ARHGAP39: variants seen among roughly 807,000 people sequenced by gnomAD.
ARHGAP39 encodes rho GTPase-activating protein 39.
In ARHGAP39, 44 loss-of-function variants were observed where a neutral mutation model predicts 106.9. The observed-to-expected ratio is 0.41, with a 90% CI of 0.32 to 0.53. The LOEUF is 0.53. ARHGAP39 is among the 20% of genes least tolerant of loss of function. The pLI is 0.21. For missense variants in ARHGAP39, 1,496 were observed against 1,577.3 expected, an observed-to-expected ratio of 0.95 and a Z score of 0.87; for synonymous variants, 768 against 693.2, an observed-to-expected ratio of 1.11 and a Z score of -1.69.
chr8:144,697,711 C>G, the ARHGAP39 span, among the ~76,000 whole-genome samples: 1 of 151,936 alleles, frequency 6.6e-6, no homozygotes, highest in South Asian at 2.1e-4. Context: ...AGGCTGGTCT[C>G]GAACTCCTGA....
At chr8:144,602,877 T>TG (rs1820099624) in intron 2 of ARHGAP39, among the ~76,000 whole-genome samples, 1 of 126,636 alleles carries the variant, frequency 7.9e-6, no homozygotes, top group Non-Finnish European at 1.6e-5. Flanking sequence ...TGTGCATGTG[T>TG]GTGGTGTGTG....
At chr8:144,534,481 C>T (rs1456688243) in intron 7 of ARHGAP39, among the ~76,000 whole-genome samples, 1 of 152,218 alleles carries the variant, frequency 6.6e-6, no homozygotes, top group Non-Finnish European at 1.5e-5. Flanking sequence ...ACAGGAAGGG[C>T]AGGACCTGGG....
chr8:144,537,013 G>T (rs1226286276), intron 7 of ARHGAP39, among the ~76,000 whole-genome samples: 6 of 152,232 alleles, frequency 3.9e-5, no homozygotes, highest in Admixed American at 3.9e-4. Context: ...CACTGCAGGG[G>T]TCGGGAGGAC....
chr8:144,699,999 C>T, the ARHGAP39 span, among the ~76,000 whole-genome samples: 1 of 152,184 alleles, frequency 6.6e-6, no homozygotes, highest in South Asian at 2.1e-4. Flanking sequence ...TCTCACAGTG[C>T]TGCAGGATGC....
chr8:144,621,127 G>A (rs1049048537), intron 1 of ARHGAP39, among the ~76,000 whole-genome samples: 3 of 152,276 alleles, frequency 2.0e-5, no homozygotes, highest in African/African-American at 7.2e-5. Flanking sequence ...GCAGCTGCCT[G>A]CCCTGTTAGC....
At chr8:144,648,376 T>C (rs1821494769) in intron 1 of ARHGAP39, among the ~76,000 whole-genome samples, 1 of 152,228 alleles carries the variant, frequency 6.6e-6, no homozygotes, top group Non-Finnish European at 1.5e-5. Flanking sequence ...TAATTTGTTA[T>C]CCAGCAAAAG....
Position 144,684,122 on chromosome 8 carries a change from C to G in ARHGAP39, c.-82+1564G>C, listed in dbSNP as rs1427663712. Among the ~76,000 whole-genome samples the G allele has an allele frequency of 6.6e-6, 1 of 152,224 alleles. No homozygotes were observed. The highest frequency in any genetic ancestry group is 1.5e-5 in the Non-Finnish European group (1 of 68,036). On this transcript the variant is annotated intron_variant, in intron 1 of 11. Coordinates refer to ENST00000377307, the MANE Select transcript of ARHGAP39 (RefSeq NM_025251.3). The surrounding 1 kb of genome is among the most constrained non-coding windows in gnomAD (Gnocchi z 4.4). ...CAGCCTGGCTCCAGAACCCGCCCTCCTGTCCACTCTGCTCCCCTGCCTCTC... is the reference window on the plus strand; with the variant it reads ...CAGCCTGGCTCCAGAACCCGCCCTCGTGTCCACTCTGCTCCCCTGCCTCTC...
intron 1 of ARHGAP39, among the ~76,000 whole-genome samples, chr8:144,654,879 A>T (rs1337362502): frequency 1.3e-5 from 2 of 152,096 alleles, no homozygotes; most frequent in African/African-American, 2.4e-5. Flanking sequence ...GCAACCGCCC[A>T]AACCATGGCT....
intron 2 of ARHGAP39, among the ~76,000 whole-genome samples, chr8:144,602,299 G>A (rs976169298): frequency 7.2e-6 from 1 of 138,720 alleles, no homozygotes; most frequent in Admixed American, 7.4e-5. Flanking sequence ...GTGTGCTCGT[G>A]TACCTGTGTG....
At chr8:144,583,936 A>AT (rs1819093128) in intron 2 of ARHGAP39, 1 of 152,246 alleles carries the variant, frequency 6.6e-6, no homozygotes, top group Non-Finnish European at 1.5e-5. Flanking sequence ...CTGCACTCTT[A>AT]TATTGGCCTG....
rs1362531301 is a variant in ARHGAP39 at position 144,641,527 on chromosome 8, G to A, written c.-81-35832C>T. ...GGGCCCTGGCAGCACCACCTGACCTGTCTCCTGGCATCCCCTCAGCTCTCC... is the reference window on the plus strand; with the variant it reads ...GGGCCCTGGCAGCACCACCTGACCTATCTCCTGGCATCCCCTCAGCTCTCC... On this transcript the variant is annotated intron_variant, in intron 1 of 11. Coordinates refer to ENST00000377307, the MANE Select transcript of ARHGAP39 (RefSeq NM_025251.3). This position sits in a 1 kb window ranked among gnomAD's most constrained non-coding sequence, Gnocchi z 5.2. Among the ~76,000 whole-genome samples, 2 of 152,066 alleles carry A rather than the reference G, an allele frequency of 1.3e-5. No individual in the cohort carries two copies. Among genetic ancestry groups the A allele is most frequent in the Non-Finnish European group, 2.9e-5 (2 of 68,008 alleles).
chr8:144,581,921 T>TA (rs1270936257), intron 2 of ARHGAP39, among the ~76,000 whole-genome samples: 2 of 152,124 alleles, frequency 1.3e-5, no homozygotes, highest in Non-Finnish European at 2.9e-5. Flanking sequence ...CAAAAACCCT[T>TA]AGAGGCACCA....
Position 144,641,442 on chromosome 8 carries a change from A to AC in ARHGAP39, c.-81-35748dup. Among the ~76,000 whole-genome samples the AC allele has an allele frequency of 6.6e-6, 1 of 151,996 alleles. No individual in the cohort carries two copies. The highest frequency in any genetic ancestry group is 1.5e-5 in the Non-Finnish European group (1 of 67,986). ...TGACCACCAAGACCCCACCATGCTCACATCGAGGAGGAATGCAGTGGCGCC... is the reference window on the plus strand; with the variant it reads ...TGACCACCAAGACCCCACCATGCTCACCATCGAGGAGGAATGCAGTGGCGCC... On this transcript the variant is annotated intron_variant, in intron 1 of 11. Transcript: ENST00000377307. The surrounding 1 kb of genome is among the most constrained non-coding windows in gnomAD (Gnocchi z 5.2).
chr8:144,595,214 G>A (rs1314688271), intron 2 of ARHGAP39, among the ~76,000 whole-genome samples: 2 of 152,174 alleles, frequency 1.3e-5, no homozygotes, highest in African/African-American at 4.8e-5. Context: ...ACTGATGCAT[G>A]AAGAAGCAAA....
the ARHGAP39 span, among the ~76,000 whole-genome samples, chr8:144,692,299 G>T: frequency 6.6e-6 from 1 of 152,114 alleles, no homozygotes; most frequent in Non-Finnish European, 1.5e-5. Flanking sequence ...GGGTCTCTTG[G>T]CACCAACCCT....
intron 1 of ARHGAP39, among the ~76,000 whole-genome samples, chr8:144,619,746 GTGTA>G (rs1820739887): frequency 6.6e-6 from 1 of 150,964 alleles, no homozygotes. Flanking sequence ...GTGAGCCTGT[GTGTA>G]CCTCAGTGTG....
chr8:144,578,485 T>G (rs1247228754), intron 3 of ARHGAP39, among the ~76,000 whole-genome samples: 1 of 152,178 alleles, frequency 6.6e-6, no homozygotes, highest in African/African-American at 2.4e-5. Context: ...TCCTTGGCCT[T>G]GAAAAGTGCT....
intron 3 of ARHGAP39, among the ~76,000 whole-genome samples, chr8:144,575,032 GAATGCTA>G (rs1818721772): frequency 6.6e-6 from 1 of 152,176 alleles, no homozygotes; most frequent in African/African-American, 2.4e-5. Flanking sequence ...TTACTGTGCC[GAATGCTA>G]AATGCCATTG....
chr8:144,632,345 T>C (rs1027633088), intron 1 of ARHGAP39, among the ~76,000 whole-genome samples: 2 of 152,110 alleles, frequency 1.3e-5, no homozygotes, highest in Non-Finnish European at 2.9e-5. Flanking sequence ...CCACCTCCCG[T>C]CACTTGTCCA....
Sources: allele counts gnomAD v4.1 joint callset (sites outside exome capture counted in the v4.1 genomes callset), GRCh38; gene constraint gnomAD v4.1.1; non-coding constraint Gnocchi (gnomAD v3.1); transcripts MANE v1.5; gene names NCBI Gene and HGNC (gene_info 2026-07-23, HGNC 2026-07-21).